Variants in TMCC1 observed in about 807,000 individuals in gnomAD.
TMCC1 encodes the protein transmembrane and coiled-coil domains protein 1.
TMCC1 carries 15 observed loss-of-function variants against 52.4 expected under a neutral mutation model. That is an observed-to-expected ratio of 0.29 (90% CI 0.19 to 0.44). The LOEUF (loss-of-function observed/expected upper bound fraction) is 0.44. Ranked by LOEUF, TMCC1 falls within the 20% of genes least tolerant of loss-of-function variation. The probability of loss-of-function intolerance (pLI) is 1.00; values close to 1 mark genes in which losing one functional copy is unlikely to be tolerated. For missense variants in TMCC1, 503 were observed against 806.0 expected, an observed-to-expected ratio of 0.62 and a Z score of 4.55; for synonymous variants, 279 against 301.9, an observed-to-expected ratio of 0.92 and a Z score of 0.79.
At chr3:129,687,717 C>T (rs2089505479) in intron 4 of TMCC1, among the ~76,000 whole-genome samples, 1 of 152,134 alleles carries the variant, frequency 6.6e-6, no homozygotes, top group African/African-American at 2.4e-5. Flanking sequence ...AAGACAAATA[C>T]CCACCAACGC....
chr3:129,768,399 G>C (rs1321147514), intron 4 of TMCC1, among the ~76,000 whole-genome samples: 1 of 152,018 alleles, frequency 6.6e-6, no homozygotes, highest in Non-Finnish European at 1.5e-5. Context: ...TAATATGTCT[G>C]CAAGTTTATA....
At chr3:129,688,387 G>T in intron 4 of TMCC1, 1 of 985,388 alleles carries the variant, frequency 1.0e-6, no homozygotes, top group Non-Finnish European at 1.2e-6. Flanking sequence ...CGAGAATAAC[G>T]CTGCAAATGA....
intron 4 of TMCC1, among the ~76,000 whole-genome samples, chr3:129,814,214 T>C (rs530217877): frequency 6.6e-6 from 1 of 152,154 alleles, no homozygotes; most frequent in Non-Finnish European, 1.5e-5. Context: ...GAACCAGATC[T>C]TCACTCACAG....
intron 4 of TMCC1, among the ~76,000 whole-genome samples, chr3:129,735,042 C>T (rs888060485): frequency 6.6e-6 from 1 of 151,908 alleles, no homozygotes; most frequent in African/African-American, 2.4e-5. Context: ...GCTGGGACTA[C>T]AGGCGCCCGC....
intron 4 of TMCC1, among the ~76,000 whole-genome samples, chr3:129,733,092 G>A (rs1195124616): frequency 6.6e-6 from 1 of 152,176 alleles, no homozygotes; most frequent in African/African-American, 2.4e-5. Flanking sequence ...ACGTCTTTTG[G>A]AGTCCTCAAA....
intron 6 of TMCC1, among the ~76,000 whole-genome samples, chr3:129,653,731 G>A (rs1366604631): frequency 3.3e-5 from 5 of 152,114 alleles, no homozygotes; most frequent in South Asian, 4.1e-4. Flanking sequence ...ACAGGCGTGC[G>A]CCACCATGCC....
chr3:129,659,108 T>G (rs984661005), intron 5 of TMCC1, among the ~76,000 whole-genome samples: 53 of 150,242 alleles, frequency 3.5e-4, no homozygotes, highest in African/African-American at 1.2e-3. Flanking sequence ...TTTTTTTTTT[T>G]TTTTTTAAAG....
chr3:129,776,672 G>A (rs1340960592), intron 4 of TMCC1, among the ~76,000 whole-genome samples: 1 of 152,214 alleles, frequency 6.6e-6, no homozygotes, highest in Non-Finnish European at 1.5e-5. Flanking sequence ...CTATCACCCA[G>A]GTTGGAGTAT....
In TMCC1 at chr3:129,679,054, C is replaced by T. The variant is rs371234381; in HGVS notation, c.577-7790G>A. On this transcript the variant is annotated intron_variant, in intron 4 of 6. Transcript: ENST00000393238. ...GCCATGATCTACACCTGCACCACTA[C>T]ATCCCATAAACTCCGTGACTTCATC... Among the ~76,000 whole-genome samples, 7 of 152,334 alleles carry T rather than the reference C, an allele frequency of 4.6e-5. No homozygotes were observed. In the East Asian group the frequency reaches 1.3e-3, roughly 29 times the overall value.
At chr3:129,727,928 CT>C (rs904953322) in intron 4 of TMCC1, among the ~76,000 whole-genome samples, 5 of 152,190 alleles carry the variant, frequency 3.3e-5, no homozygotes, top group Admixed American at 6.5e-5. Context: ...AAAAGCCCAA[CT>C]AGTGTAATCA....
chr3:129,741,015 T>C (rs2051408956), intron 4 of TMCC1, among the ~76,000 whole-genome samples: 1 of 152,216 alleles, frequency 6.6e-6, no homozygotes, highest in African/African-American at 2.4e-5. Flanking sequence ...AATTATACCT[T>C]AAGCTTTCAT....
Position 129,745,203 on chromosome 3 carries a change from G to C in TMCC1, c.577-73939C>G, listed in dbSNP as rs2051823429. Among the ~76,000 whole-genome samples, 3 of 152,150 alleles carry C rather than the reference G, an allele frequency of 2.0e-5. No homozygotes were observed. In the South Asian group the frequency reaches 6.2e-4, roughly 31 times the overall value. ...TTTTATTCAAAAGTACAAAAACAAA[G>C]AGAAAAAAACTTCGTTACAATTTTA... is the stretch of plus-strand genomic sequence containing the variant. On this transcript the variant is annotated intron_variant, in intron 4 of 6. Coordinates refer to ENST00000393238, the MANE Select transcript of TMCC1 (RefSeq NM_001017395.5).
intron 4 of TMCC1, among the ~76,000 whole-genome samples, chr3:129,812,254 A>G (rs2057853287): frequency 7.0e-6 from 1 of 142,730 alleles, no homozygotes; most frequent in African/African-American, 2.6e-5. Context: ...AGGCAGAAGA[A>G]TCACTTGAAT....
intron 4 of TMCC1, among the ~76,000 whole-genome samples, chr3:129,749,523 C>A (rs1279567383): frequency 6.6e-6 from 1 of 152,008 alleles, no homozygotes; most frequent in Admixed American, 6.6e-5. Flanking sequence ...CAGCTATCTT[C>A]ATTTGTTTCA....
At chr3:129,744,908 C>T (rs2051791488) in intron 4 of TMCC1, among the ~76,000 whole-genome samples, 1 of 152,144 alleles carries the variant, frequency 6.6e-6, no homozygotes, top group African/African-American at 2.4e-5. Context: ...TATTATGATG[C>T]TTTTTGTTAA....
intron 2 of TMCC1, among the ~76,000 whole-genome samples, chr3:129,835,827 TA>T (rs2059133938): frequency 6.6e-6 from 1 of 151,942 alleles, no homozygotes; most frequent in African/African-American, 2.4e-5. Context: ...GAGAAAGAAT[TA>T]AAATACTCAA....
intron 4 of TMCC1, among the ~76,000 whole-genome samples, chr3:129,691,448 G>C (rs907154434): frequency 6.6e-6 from 1 of 151,980 alleles, no homozygotes; most frequent in Admixed American, 6.6e-5. Context: ...AAAAGTTGTA[G>C]AACTAAAGCC....
Position 129,864,977 on chromosome 3 carries a change from G to A in TMCC1, c.-184+15332C>T, listed in dbSNP as rs144856577. 3.3e-3 allele frequency among the ~76,000 whole-genome samples: 501 copies of A among 152,256 alleles called. 4 individuals are homozygous for A. Among genetic ancestry groups the A allele is most frequent in the African/African-American group, 0.012 (488 of 41,540 alleles). On this transcript the variant is annotated intron_variant, in intron 2 of 6. Transcript: ENST00000393238. ...CTTTGAAATGCCTACTAGGCGTCCA[G>A]GCACTACATTGGACCCAACAAACAC... is the stretch of plus-strand genomic sequence containing the variant.
At chr3:129,674,068 C>G (rs1378905239) in intron 4 of TMCC1, among the ~76,000 whole-genome samples, 2 of 152,166 alleles carry the variant, frequency 1.3e-5, no homozygotes, top group African/African-American at 4.8e-5. Flanking sequence ...AAACAATAGG[C>G]TATACCACAT....
Sources: allele counts gnomAD v4.1 joint callset (sites outside exome capture counted in the v4.1 genomes callset), GRCh38; gene constraint gnomAD v4.1.1; transcripts MANE v1.5; gene names NCBI Gene and HGNC (gene_info 2026-07-23, HGNC 2026-07-21).